The following ATF7IP2 variants were observed in gnomAD, a reference collection of about 807,000 sequenced individuals.
The protein encoded by ATF7IP2 is activating transcription factor 7 interacting protein 2.
In ATF7IP2, 42 loss-of-function variants were observed where a neutral mutation model predicts 64.2. The observed-to-expected ratio is 0.65, with a 90% CI of 0.51 to 0.85. ATF7IP2 has a LOEUF of 0.85. Ranked by LOEUF, ATF7IP2 falls within the 40% of genes least tolerant of loss-of-function variation. The probability of loss-of-function intolerance (pLI) is 0.00; values close to 1 mark genes in which losing one functional copy is unlikely to be tolerated. For synonymous variants in ATF7IP2, 308 were observed against 272.8 expected, an observed-to-expected ratio of 1.13 and a Z score of -1.27; for missense variants, 933 against 784.2, an observed-to-expected ratio of 1.19 and a Z score of -2.27.
chr16:10,416,982 A>G (rs917780941), intron 2 of ATF7IP2, among the ~76,000 whole-genome samples: 1 of 152,234 alleles, frequency 6.6e-6, no homozygotes, highest in African/African-American at 2.4e-5. Flanking sequence ...TGTGATTATT[A>G]TGCATTGCAT....
At chr16:10,425,162 G>A (rs1466525977) in intron 3 of ATF7IP2, among the ~76,000 whole-genome samples, 1 of 149,230 alleles carries the variant, frequency 6.7e-6, no homozygotes, top group Admixed American at 6.7e-5. Context: ...GGGTTCAAGC[G>A]ATTATCCCAC....
chr16:10,449,504 G>A (rs1169703137), intron 8 of ATF7IP2: 1 of 152,140 alleles, frequency 6.6e-6, no homozygotes, highest in Non-Finnish European at 1.5e-5. Flanking sequence ...GTCTTTTCAG[G>A]AATTCGATTT....
chr16:10,460,001 T>G (rs1163319929), intron 9 of ATF7IP2, among the ~76,000 whole-genome samples: 1 of 152,128 alleles, frequency 6.6e-6, no homozygotes, highest in Non-Finnish European at 1.5e-5. Context: ...ATTACTATTT[T>G]GGGGTGATTG....
intron 8 of ATF7IP2, among the ~76,000 whole-genome samples, chr16:10,441,678 C>T (rs533902166): frequency 6.6e-6 from 1 of 151,926 alleles, no homozygotes; most frequent in South Asian, 2.1e-4. Context: ...CAAAAATTTT[C>T]TCCCATTCTG....
At chr16:10,456,237 C>G (rs752461925) in intron 8 of ATF7IP2, among the ~76,000 whole-genome samples, 6 of 152,090 alleles carry the variant, frequency 3.9e-5, no homozygotes, top group Non-Finnish European at 8.8e-5. Flanking sequence ...AACTGTTTAG[C>G]AGAAAGGAAC....
At position 10,430,822 on chromosome 16, in the gene ATF7IP2, A is replaced by C. The variant is rs748978541; in HGVS notation, c.202A>C (p.Ser68Arg). 9 of 1,614,056 alleles carry C rather than the reference A, an allele frequency of 5.6e-6. No individual in the cohort carries two copies. Among genetic ancestry groups the C allele is most frequent in the Non-Finnish European group, 7.6e-6 (9 of 1,179,934 alleles). The change falls in exon 5 of 14, where the codon AGC (serine) becomes CGC (arginine). Residue 68 changes from serine to arginine, a missense_variant. Coordinates refer to ENST00000562102, the MANE Select transcript of ATF7IP2 (RefSeq NM_001393719.1). ...ITRTTEITKC[S>R]PSENGASSLD... is the part of the protein sequence containing the mutation. ...TAGGACGACTGAAATAACCAAATGT[A>C]GCCCTTCTGAAAATGGTGCATCCTC... is the stretch of plus-strand genomic sequence containing the variant.
At chr16:10,409,594 T>G (rs1035831068) in intron 1 of ATF7IP2, among the ~76,000 whole-genome samples, 10 of 152,082 alleles carry the variant, frequency 6.6e-5, no homozygotes, top group African/African-American at 2.4e-4. Flanking sequence ...GCCCAGCTAA[T>G]TTTTTGAATT....
intron 4 of ATF7IP2, among the ~76,000 whole-genome samples, chr16:10,429,695 G>GTTTTATTTTATTTTATTTTA (rs55705185): frequency 4.5e-4 from 62 of 138,408 alleles, no homozygotes; most frequent in Middle Eastern, 3.8e-3. Flanking sequence ...CTTAGTGCTG[G>GTTTTATTTTATTTTATTTTA]TTTTATTTTA....
rs529549876 is a variant in ATF7IP2 at position 10,457,481 on chromosome 16, G to C, written c.1304G>C (p.Ser435Thr). Residue 435 changes from serine (S) to threonine (T), a missense_variant, in exon 9 of 14, where the codon AGT (serine) becomes ACT (threonine). Coordinates refer to ENST00000562102, the MANE Select transcript of ATF7IP2 (RefSeq NM_001393719.1). ...YEPSNPSEKG[S>T]KKINLSSDQN... is the part of the protein sequence containing the mutation. ...CCTTCTAACCCTTCCGAAAAAGGAA[G>C]TAAAAAAATTAATTTGTCATCAGAT... 6.3e-7 allele frequency: 1 copy of C among 1,596,140 alleles called. No individual in the cohort carries two copies. Among genetic ancestry groups the C allele is most frequent in the East Asian group, 2.3e-5 (1 of 44,270 alleles).
rs1273104082 is a variant in ATF7IP2 at position 10,480,936 on chromosome 16, C to T, written c.1607C>T (p.Thr536Ile). The T allele has an allele frequency of 1.9e-6, 3 of 1,612,560 alleles. No homozygotes were observed. In the Admixed American group the frequency reaches 5.0e-5, roughly 27 times the overall value. ...HSKAASNSKE[T>I]TPLAQNAVQV... ...AAAGCTGCTTCAAACTCAAAGGAAA[C>T]AACCCCATTGGCACAAAATGCAGTC... Residue 536 changes from threonine (T) to isoleucine (I), a missense_variant, in exon 13 of 14, where the codon ACA (threonine) becomes ATA (isoleucine). By Grantham distance (89) the Thr-to-Ile change is moderately conservative. Coordinates refer to ENST00000562102, the MANE Select transcript of ATF7IP2 (RefSeq NM_001393719.1).
intron 12 of ATF7IP2, among the ~76,000 whole-genome samples, chr16:10,475,245 T>TTA (rs1360990889): frequency 2.0e-5 from 3 of 152,206 alleles, no homozygotes; most frequent in African/African-American, 7.2e-5. Context: ...AAGTATGCTG[T>TTA]TACAAGGCTC....
intron 12 of ATF7IP2, 56 bp from the exon 13 acceptor site, chr16:10,480,823 T>A (rs749409891): frequency 2.9e-5 from 33 of 1,149,184 alleles, no homozygotes; most frequent in Non-Finnish European, 3.8e-5. Context: ...GCTTAAAGGC[T>A]ATGGAATTGA....
intron 7 of ATF7IP2, 43 bp from the exon 8 acceptor site, chr16:10,440,321 A>G: frequency 1.0e-6 from 1 of 987,734 alleles, no homozygotes; most frequent in Non-Finnish European, 1.5e-6. Context: ...TGTGATATAT[A>G]GTACTCTGGC....
chr16:10,419,101 A>C (rs1350236975), intron 2 of ATF7IP2, among the ~76,000 whole-genome samples: 1 of 152,228 alleles, frequency 6.6e-6, no homozygotes, highest in East Asian at 1.9e-4. Context: ...GCCAGGTCCA[A>C]TTCTGTTTAC....
chr16:10,462,248 T>C (rs4780916), intron 9 of ATF7IP2, among the ~76,000 whole-genome samples: 1 of 152,248 alleles, frequency 6.6e-6, no homozygotes. Flanking sequence ...ATGACTACTA[T>C]GTACCATCAT....
chr16:10,422,381 T>C (rs1567442438), intron 3 of ATF7IP2, among the ~76,000 whole-genome samples: 1 of 152,184 alleles, frequency 6.6e-6, no homozygotes, highest in African/African-American at 2.4e-5. Context: ...CCCCGTTTCA[T>C]GCATCATATG....
At chr16:10,448,568 T>C (rs906237279) in intron 8 of ATF7IP2, 1 of 152,062 alleles carries the variant, frequency 6.6e-6, no homozygotes, top group Non-Finnish European at 1.5e-5. Context: ...TTCTCTGTTA[T>C]TGGTATATAG....
intron 2 of ATF7IP2, 70 bp from the exon 3 acceptor site, chr16:10,419,511 C>G (rs1244410795): frequency 1.3e-5 from 2 of 152,998 alleles, no homozygotes; most frequent in Non-Finnish European, 2.9e-5. Flanking sequence ...ATACTCATGG[C>G]AATGGTGATC....
intron 2 of ATF7IP2, among the ~76,000 whole-genome samples, 170 bp downstream of exon 2, chr16:10,414,782 G>A (rs2047838905): frequency 6.6e-6 from 1 of 151,984 alleles, no homozygotes. Context: ...GATCAAGACT[G>A]TTGTTCAGAT....
Sources: allele counts gnomAD v4.1 joint callset (sites outside exome capture counted in the v4.1 genomes callset), GRCh38; gene constraint gnomAD v4.1.1; transcripts MANE v1.5; gene names NCBI Gene and HGNC (gene_info 2026-07-23, HGNC 2026-07-21).